The following ECT2 variants were observed in gnomAD, a reference collection of about 807,000 sequenced individuals.
ECT2 encodes the protein protein ECT2.
Under a neutral mutation model 116.9 loss-of-function variants are expected in ECT2, and 61 were observed. The observed-to-expected ratio is 0.52, with a 90% CI of 0.42 to 0.65. The LOEUF (loss-of-function observed/expected upper bound fraction) is 0.65, where lower values mean the gene tolerates loss of function less well. Ranked by LOEUF, ECT2 falls within the 30% of genes least tolerant of loss-of-function variation. The pLI is 0.00. For synonymous variants in ECT2, 358 were observed against 346.4 expected (o/e 1.03, Z -0.37); for missense variants, 937 against 1,078.7 (o/e 0.87, Z 1.84).
At chr3:172,800,443 T>C (rs1403712052) in intron 18 of ECT2, among the ~76,000 whole-genome samples, 2 of 152,222 alleles carry the variant, frequency 1.3e-5, no homozygotes, top group East Asian at 3.8e-4. Flanking sequence ...ATAACATTTT[T>C]TTCTAATAAA....
chr3:172,760,125 A>G, intron 6 of ECT2, 31 bp from the exon 7 acceptor site: 3 of 1,471,906 alleles, frequency 2.0e-6, no homozygotes, highest in African/African-American at 1.4e-5. Flanking sequence ...AATTAACCAT[A>G]AAGTCAGTGT....
chr3:172,782,772 T>C (rs930970168), intron 15 of ECT2, among the ~76,000 whole-genome samples: 3 of 152,162 alleles, frequency 2.0e-5, no homozygotes, highest in Admixed American at 6.5e-5. Context: ...CTCCCACTTA[T>C]AAGTGAGAAC....
chr3:172,793,616 A>G (rs1008362083), intron 18 of ECT2, among the ~76,000 whole-genome samples: 1 of 152,018 alleles, frequency 6.6e-6, no homozygotes, highest in Non-Finnish European at 1.5e-5. Flanking sequence ...GGCACCTGCC[A>G]CCATGCCCAG....
chr3:172,825,955 G>A (rs1022146993), downstream of ECT2, among the ~76,000 whole-genome samples: 1 of 152,160 alleles, frequency 6.6e-6, no homozygotes, highest in Non-Finnish European at 1.5e-5. Flanking sequence ...GTGCAATGGC[G>A]CGATCTCGGC....
chr3:172,818,053 G>A (rs748601234), intron 24 of ECT2, among the ~76,000 whole-genome samples: 2 of 152,138 alleles, frequency 1.3e-5, no homozygotes, highest in Non-Finnish European at 2.9e-5. Flanking sequence ...GGCACATTGT[G>A]AGTGCTCTTG....
chr3:172,777,137 G>C (rs1025695248), intron 14 of ECT2, among the ~76,000 whole-genome samples: 1 of 152,164 alleles, frequency 6.6e-6, no homozygotes, highest in African/African-American at 2.4e-5. Flanking sequence ...CTCTCACAGT[G>C]CTTAGATTAC....
At chr3:172,776,198 CTTTTTTT>C (rs60558773) in intron 14 of ECT2, among the ~76,000 whole-genome samples, 120 of 111,598 alleles carry the variant, frequency 1.1e-3, no homozygotes, top group African/African-American at 3.3e-3. Context: ...TCAGTTTTTT[CTTTTTTT>C]TTTTTTTTTT....
chr3:172,800,706 G>C (rs749057020), intron 18 of ECT2, among the ~76,000 whole-genome samples: 39 of 151,968 alleles, frequency 2.6e-4, no homozygotes, highest in Non-Finnish European at 4.6e-4. Context: ...TTCCATCTCT[G>C]TATGACTGAT....
At chr3:172,824,658 A>G (rs1297015810), downstream of ECT2, among the ~76,000 whole-genome samples, 3 of 152,186 alleles carry the variant, frequency 2.0e-5, no homozygotes, top group Non-Finnish European at 2.9e-5. Flanking sequence ...CTGTTCTACA[A>G]TCTTGCTTTT....
chr3:172,753,425 C>T (rs183123301), intron 1 of ECT2, among the ~76,000 whole-genome samples: 25 of 152,230 alleles, frequency 1.6e-4, no homozygotes, highest in African/African-American at 5.8e-4. Context: ...CCTTTTATTC[C>T]CTGTCTAGCT....
downstream of ECT2, among the ~76,000 whole-genome samples, chr3:172,824,010 T>A (rs1388272467): frequency 6.6e-6 from 1 of 151,846 alleles, no homozygotes; most frequent in Non-Finnish European, 1.5e-5. Flanking sequence ...TTATGTTCCT[T>A]CCGCTGCTTT....
downstream of ECT2, among the ~76,000 whole-genome samples, chr3:172,824,773 A>G (rs1730802303): frequency 6.6e-6 from 1 of 152,126 alleles, no homozygotes; most frequent in Non-Finnish European, 1.5e-5. Flanking sequence ...ACTCTATTTT[A>G]TTCACCCAAT....
At chr3:172,817,123 C>A (rs937428756) in intron 24 of ECT2, among the ~76,000 whole-genome samples, 4 of 152,116 alleles carry the variant, frequency 2.6e-5, no homozygotes, top group Non-Finnish European at 5.9e-5. Flanking sequence ...GTTTCATAGC[C>A]ACAAGTGGCT....
At chr3:172,817,350 T>G (rs1199132648) in intron 24 of ECT2, among the ~76,000 whole-genome samples, 1 of 152,134 alleles carries the variant, frequency 6.6e-6, no homozygotes, top group Admixed American at 6.6e-5. Context: ...AGAGACATAC[T>G]TAATGTGTAG....
chr3:172,819,592 C>T (rs1023491327), intron 24 of ECT2, among the ~76,000 whole-genome samples: 48 of 152,094 alleles, frequency 3.2e-4, no homozygotes, highest in Non-Finnish European at 6.2e-4. Flanking sequence ...GCAATCCTCC[C>T]ACATCAGCCT....
At chr3:172,780,456 A>G (rs189489516) in intron 14 of ECT2, among the ~76,000 whole-genome samples, 1 of 152,286 alleles carries the variant, frequency 6.6e-6, no homozygotes, top group African/African-American at 2.4e-5. Flanking sequence ...TCTTGAGTAG[A>G]TACCTAGGAG....
intron 18 of ECT2, among the ~76,000 whole-genome samples, chr3:172,792,760 C>G (rs933955689): frequency 6.6e-6 from 1 of 152,000 alleles, no homozygotes; most frequent in African/African-American, 2.4e-5. Flanking sequence ...TTCTGTGATC[C>G]AGGCTGGAAT....
At chr3:172,772,438 C>T (rs112273475) in intron 13 of ECT2, among the ~76,000 whole-genome samples, 4,840 of 152,246 alleles carry the variant, frequency 0.032, 163 homozygotes, top group East Asian at 0.16. Flanking sequence ...CCTCGCGATC[C>T]GCCCACCTCG....
chr3:172,819,766 ATTCTGCT>A (rs1730424507), intron 24 of ECT2, among the ~76,000 whole-genome samples: 1 of 152,092 alleles, frequency 6.6e-6, no homozygotes, highest in East Asian at 1.9e-4. Flanking sequence ...ATTCCTTTTA[ATTCTGCT>A]TTATGAACTA....
Sources: gnomAD v4.1 joint callset for allele counts (sites outside exome capture counted in the v4.1 genomes callset) on GRCh38, gnomAD v4.1.1 for gene constraint, MANE v1.5 for transcripts, NCBI Gene and HGNC (gene_info 2026-07-23, HGNC 2026-07-21) for gene names.